ASIC2: variants seen among roughly 807,000 people sequenced by gnomAD.
ASIC2 encodes acid-sensing ion channel 2.
ASIC2 carries 25 observed loss-of-function variants against 57.3 expected under a neutral mutation model. The ratio of observed to expected loss-of-function variants is 0.44; its 90% CI spans 0.32 to 0.61. ASIC2 has a LOEUF of 0.61. Among genes scored for constraint, ASIC2 ranks in the 20% least tolerant of loss-of-function variants. The pLI is 0.06. For synonymous variants in ASIC2, 319 were observed against 307.5 expected (o/e 1.04, Z -0.39); for missense variants, 641 against 738.1 (o/e 0.87, Z 1.52).
At chr17:34,143,159 A>G (rs1460210347) in intron 1 of ASIC2, 1 of 152,226 alleles carries the variant, frequency 6.6e-6, no homozygotes. Flanking sequence ...CAAAAAAAGC[A>G]TGATGTCTTC....
chr17:33,496,309 T>C (rs8075439), intron 1 of ASIC2, among the ~76,000 whole-genome samples: 5,083 of 152,246 alleles, frequency 0.033, 252 homozygotes, highest in African/African-American at 0.11. Context: ...AAGGCTGGAA[T>C]AGTGGCCCCT....
intron 1 of ASIC2, among the ~76,000 whole-genome samples, chr17:34,009,730 C>A (rs1054027796): frequency 6.6e-6 from 1 of 152,104 alleles, no homozygotes; most frequent in African/African-American, 2.4e-5. Flanking sequence ...AAAAACAGGC[C>A]TTGAGGAGTT....
chr17:33,950,115 G>T (rs1466342492), intron 1 of ASIC2, among the ~76,000 whole-genome samples: 1 of 152,194 alleles, frequency 6.6e-6, no homozygotes, highest in Non-Finnish European at 1.5e-5. Context: ...GTCAGAAGCA[G>T]CTACCTCAGA....
chr17:33,541,976 T>C (rs1017019372), intron 1 of ASIC2, among the ~76,000 whole-genome samples: 3 of 152,184 alleles, frequency 2.0e-5, no homozygotes, highest in Non-Finnish European at 4.4e-5. Flanking sequence ...ATCAATTTCA[T>C]GGGAATAATG....
Position 34,020,288 on chromosome 17 carries a change from C to T in ASIC2, c.555+135690G>A, listed in dbSNP as rs138892757. On this transcript the variant is annotated intron_variant, in intron 1 of 9. Transcript: ENST00000359872. ...TTGAATGAATGAATAAATGGCTCCA[C>T]TCCGCCTGGCAGCCTCTTTACTCTA... 1.5e-4 allele frequency among the ~76,000 whole-genome samples: 23 copies of T among 152,302 alleles called. No individual in the cohort carries two copies. The East Asian group carries it at 4.4e-3, about 29-fold the overall frequency.
intron 1 of ASIC2, among the ~76,000 whole-genome samples, chr17:33,817,267 G>A (rs1912611587): frequency 6.6e-6 from 1 of 152,240 alleles, no homozygotes; most frequent in South Asian, 2.1e-4. Flanking sequence ...ACGTGCTTTT[G>A]ATGCTAGGTT....
At chr17:33,992,114 A>G (rs113947252) in intron 1 of ASIC2, among the ~76,000 whole-genome samples, 3 of 152,264 alleles carry the variant, frequency 2.0e-5, no homozygotes, top group African/African-American at 7.2e-5. Context: ...CTGTGATAGA[A>G]CTGGACCGGT....
At chr17:33,391,760 C>A (rs780155245) in intron 1 of ASIC2, among the ~76,000 whole-genome samples, 2 of 152,170 alleles carry the variant, frequency 1.3e-5, no homozygotes, top group African/African-American at 2.4e-5. Flanking sequence ...AGTATGAAGA[C>A]CTCCAACTAT....
At chr17:34,061,372 G>A (rs553960615) in intron 1 of ASIC2, among the ~76,000 whole-genome samples, 1 of 152,170 alleles carries the variant, frequency 6.6e-6, no homozygotes, top group South Asian at 2.1e-4. Context: ...AACAAATCCT[G>A]GAAACACATC....
At chr17:34,062,636 G>A (rs1909009276) in intron 1 of ASIC2, among the ~76,000 whole-genome samples, 1 of 152,044 alleles carries the variant, frequency 6.6e-6, no homozygotes, top group East Asian at 1.9e-4. Flanking sequence ...GATTAACCAA[G>A]AAAAGAATAG....
intron 1 of ASIC2, among the ~76,000 whole-genome samples, chr17:33,339,184 G>A (rs796288383): frequency 6.6e-5 from 10 of 152,314 alleles, no homozygotes; most frequent in African/African-American, 2.4e-4. Context: ...CTGGAGCACA[G>A]GGTGTTGGGG....
intron 1 of ASIC2, among the ~76,000 whole-genome samples, chr17:33,517,566 G>A (rs1914611612): frequency 6.6e-6 from 1 of 152,056 alleles, no homozygotes; most frequent in South Asian, 2.1e-4. Flanking sequence ...TGCAGTATTT[G>A]AAGACTTAAC....
chr17:33,476,712 G>A (rs1281296884), intron 1 of ASIC2, among the ~76,000 whole-genome samples: 2 of 151,926 alleles, frequency 1.3e-5, no homozygotes, highest in Non-Finnish European at 2.9e-5. Context: ...AATCGTTCAT[G>A]TGTCCCTGTG....
chr17:34,129,914 G>C (rs1397343497), intron 1 of ASIC2, among the ~76,000 whole-genome samples: 2 of 152,146 alleles, frequency 1.3e-5, no homozygotes, highest in Non-Finnish European at 2.9e-5. Context: ...TGCCTCTCAA[G>C]GGGGTCCACT....
intron 3 of ASIC2, 77 bp downstream of exon 3, chr17:33,088,786 C>T (rs2141965222): frequency 6.8e-7 from 1 of 1,473,306 alleles, no homozygotes; most frequent in Non-Finnish European, 9.0e-7. Flanking sequence ...GTGGGAATTC[C>T]ATTTCTCCTC....
chr17:33,492,308 T>G (rs1208128547), intron 1 of ASIC2, among the ~76,000 whole-genome samples: 1 of 152,332 alleles, frequency 6.6e-6, no homozygotes, highest in East Asian at 1.9e-4. Flanking sequence ...GTGAATTGGG[T>G]CCTGGTGCTG....
At chr17:34,013,525 C>T (rs1012583854) in intron 1 of ASIC2, among the ~76,000 whole-genome samples, 2 of 152,156 alleles carry the variant, frequency 1.3e-5, no homozygotes, top group African/African-American at 4.8e-5. Context: ...ATAGAAGATG[C>T]AGAATAAGGA....
intron 1 of ASIC2, among the ~76,000 whole-genome samples, chr17:34,077,781 T>C (rs1277964194): frequency 6.6e-6 from 1 of 151,986 alleles, no homozygotes; most frequent in African/African-American, 2.4e-5. Context: ...ATAATGAAGC[T>C]AAGTGCCCAG....
chr17:33,670,816 C>T (rs1037962834), intron 1 of ASIC2, among the ~76,000 whole-genome samples: 2 of 152,200 alleles, frequency 1.3e-5, no homozygotes, highest in Non-Finnish European at 2.9e-5. Context: ...TGCACCAGTC[C>T]TAGAGTTTAT....
Sources: allele counts gnomAD v4.1 joint callset (sites outside exome capture counted in the v4.1 genomes callset), GRCh38; gene constraint gnomAD v4.1.1; transcripts MANE v1.5; gene names NCBI Gene and HGNC (gene_info 2026-07-23, HGNC 2026-07-21).